GUCY1A2: variants seen among roughly 807,000 people sequenced by gnomAD.
GUCY1A2 encodes guanylate cyclase 1 soluble subunit alpha 2, also known as guanylate cyclase soluble subunit alpha-2.
A neutral mutation model predicts 63.5 loss-of-function variants in GUCY1A2; 27 were observed. The ratio of observed to expected loss-of-function variants is 0.43; its 90% confidence interval spans 0.31 to 0.59. The LOEUF (loss-of-function observed/expected upper bound fraction) is 0.59, where lower values mean the gene tolerates loss of function less well. Ranked by LOEUF, GUCY1A2 falls within the 20% of genes least tolerant of loss-of-function variation. The pLI is 0.11. For synonymous variants in GUCY1A2, 364 were observed against 343.5 expected, an observed-to-expected ratio of 1.06 and a Z score of -0.66; for missense variants, 768 against 913.3, an observed-to-expected ratio of 0.84 and a Z score of 2.05.
At chr11:106,763,340 G>C (rs1047537140) in intron 6 of GUCY1A2, among the ~76,000 whole-genome samples, 10 of 151,894 alleles carry the variant, frequency 6.6e-5, no homozygotes, top group African/African-American at 2.4e-4. Context: ...CCGAGAGTGG[G>C]GGGCAGTGAG....
chr11:106,708,364 TACTA>T (rs1862954384), intron 7 of GUCY1A2, 144 bp downstream of exon 7: 1 of 549,884 alleles, frequency 1.8e-6, no homozygotes, highest in Non-Finnish European at 3.2e-6. Flanking sequence ...GTGTCACAAT[TACTA>T]TCTATCTTTT....
In GUCY1A2 at chr11:106,689,327, A is replaced by T. The variant is rs1014984842; in HGVS notation, c.1992-1571T>A. ...ATTGCTAAAGGATATAATGGCAGTT[A>T]AAAAAAACCACAAAATGATGATATT... On this transcript the variant is annotated intron_variant, in intron 7 of 7. Coordinates refer to ENST00000526355, the MANE Select transcript of GUCY1A2 (RefSeq NM_000855.3). 4.3e-4 allele frequency among the ~76,000 whole-genome samples: 65 copies of T among 151,976 alleles called. 2 individuals are homozygous for T. Among genetic ancestry groups the T allele is most frequent in the Non-Finnish European group, 7.4e-5 (5 of 67,980 alleles).
At chr11:106,908,246 A>C (rs1163261239) in intron 4 of GUCY1A2, among the ~76,000 whole-genome samples, 9 of 152,056 alleles carry the variant, frequency 5.9e-5, no homozygotes, top group African/African-American at 2.2e-4. Context: ...CTAGGCATGC[A>C]CTAAACATAG....
chr11:106,834,320 G>A (rs1392752806), intron 4 of GUCY1A2, among the ~76,000 whole-genome samples: 2 of 151,864 alleles, frequency 1.3e-5, no homozygotes, highest in African/African-American at 2.4e-5. Flanking sequence ...TTGTCTTTCT[G>A]TGCCTGGTTT....
At chr11:106,712,081 T>A (rs984333914) in intron 6 of GUCY1A2, among the ~76,000 whole-genome samples, 4 of 152,066 alleles carry the variant, frequency 2.6e-5, no homozygotes, top group Admixed American at 1.3e-4. Context: ...TTTATCAAAT[T>A]TGGTAATTTT....
intron 1 of GUCY1A2, among the ~76,000 whole-genome samples, chr11:106,996,741 C>T (rs969500169): frequency 6.6e-6 from 1 of 152,178 alleles, no homozygotes; most frequent in Admixed American, 6.5e-5. Context: ...CTTTAAAAGT[C>T]TCAGATGCTG....
intron 4 of GUCY1A2, among the ~76,000 whole-genome samples, chr11:106,828,378 G>A (rs2135435177): frequency 6.6e-6 from 1 of 152,066 alleles, no homozygotes; most frequent in South Asian, 2.1e-4. Flanking sequence ...TTTTGATTAT[G>A]ATGAGAGATA....
intron 4 of GUCY1A2, among the ~76,000 whole-genome samples, chr11:106,814,921 T>G (rs1858811185): frequency 6.6e-6 from 1 of 151,228 alleles, no homozygotes; most frequent in Non-Finnish European, 1.5e-5. Context: ...ACCAAGAAAA[T>G]CACAACTTGA....
Position 106,978,661 on chromosome 11 carries a change from C to T in GUCY1A2, c.445G>A (p.Glu149Lys). The change falls in exon 3 of 8, where the codon GAA becomes AAA. Residue 149 changes from glutamate to lysine, a missense_variant. Glu to Lys is a moderately conservative substitution (Grantham distance 56, BLOSUM62 1). Transcript: ENST00000526355. ...CACTGAAGAATTCCTGAGACATCTT[C>T]AATTTCTTCTTTGTTGGAGTGGTCT... ...YADHSNKEEI[E>K]DVSGILQCTA... 3 of 1,563,552 alleles carry T rather than the reference C, an allele frequency of 1.9e-6. No individual in the cohort carries two copies. Among genetic ancestry groups the T allele is most frequent in the Non-Finnish European group, 2.6e-6 (3 of 1,134,368 alleles).
At chr11:106,907,257 C>T (rs1337474609) in intron 4 of GUCY1A2, among the ~76,000 whole-genome samples, 2 of 151,962 alleles carry the variant, frequency 1.3e-5, no homozygotes, top group Non-Finnish European at 2.9e-5. Context: ...TATGGCTTGC[C>T]ATAGTTGTGC....
intron 1 of GUCY1A2, among the ~76,000 whole-genome samples, chr11:106,995,752 C>T (rs1398111572): frequency 6.6e-6 from 1 of 152,210 alleles, no homozygotes; most frequent in Non-Finnish European, 1.5e-5. Flanking sequence ...TGTCTAACAT[C>T]TAGGACTGTT....
At chr11:106,704,326 A>G (rs998990506) in intron 7 of GUCY1A2, among the ~76,000 whole-genome samples, 4 of 152,194 alleles carry the variant, frequency 2.6e-5, no homozygotes, top group Non-Finnish European at 5.9e-5. Flanking sequence ...AATGCCAACA[A>G]TAATCTTCAT....
chr11:106,884,974 C>T (rs950870901), intron 4 of GUCY1A2, among the ~76,000 whole-genome samples: 3 of 152,148 alleles, frequency 2.0e-5, no homozygotes, highest in Non-Finnish European at 2.9e-5. Flanking sequence ...TTTTTCTTTG[C>T]TATTCTTAAG....
chr11:106,750,597 T>C (rs963360364), intron 6 of GUCY1A2, among the ~76,000 whole-genome samples: 10 of 152,044 alleles, frequency 6.6e-5, no homozygotes, highest in African/African-American at 2.4e-4. Flanking sequence ...TGCATAAAAA[T>C]ACAAAATGAC....
chr11:106,710,741 C>G lies in GUCY1A2; in HGVS notation c.1837-2075G>C, dbSNP rs114963752. 2.0e-3 allele frequency among the ~76,000 whole-genome samples: 308 copies of G among 151,920 alleles called. 1 individual carries two copies. The highest frequency in any genetic ancestry group is 7.2e-3 in the African/African-American group (300 of 41,448). On this transcript the variant is annotated intron_variant, in intron 6 of 7. Transcript: ENST00000526355. Reference sequence around the variant, plus strand: ...GGGGTTATACTGACACAGTCTACACCAAATAACTGAAGCGAATGGATAACA... The same window carrying G: ...GGGGTTATACTGACACAGTCTACACGAAATAACTGAAGCGAATGGATAACA...
At chr11:106,954,658 T>C (rs1860957565) in intron 3 of GUCY1A2, among the ~76,000 whole-genome samples, 1 of 152,232 alleles carries the variant, frequency 6.6e-6, no homozygotes, top group Non-Finnish European at 1.5e-5. Context: ...TGCAGGTCTC[T>C]AAGAACTAGT....
intron 3 of GUCY1A2, among the ~76,000 whole-genome samples, chr11:106,948,678 A>C (rs758415924): frequency 5.3e-5 from 8 of 152,160 alleles, no homozygotes; most frequent in Non-Finnish European, 1.0e-4. Flanking sequence ...TGAGATATGA[A>C]AATAAAATAA....
intron 3 of GUCY1A2, among the ~76,000 whole-genome samples, chr11:106,951,205 T>C (rs1445378546): frequency 6.6e-6 from 1 of 152,234 alleles, no homozygotes; most frequent in African/African-American, 2.4e-5. Context: ...TAAACATACA[T>C]GTGCATGTGT....
At position 106,805,465 on chromosome 11, in the gene GUCY1A2, C is replaced by T. The variant is rs144865644; in HGVS notation, c.1692+4528G>A. Among the ~76,000 whole-genome samples, 1,166 of 152,146 alleles carry T rather than the reference C, an allele frequency of 7.7e-3. 79 individuals are homozygous for T. The East Asian group carries it at 0.15, about 19-fold the overall frequency. ...TTCACCAGGTTGGCCAGGCTGGTCT[C>T]GAACTCCTGACCTCAGGTGATCCAC... On this transcript the variant is annotated intron_variant, in intron 5 of 7. Transcript: ENST00000526355.
Sources: gnomAD v4.1 joint callset for allele counts (sites outside exome capture counted in the v4.1 genomes callset) on GRCh38, gnomAD v4.1.1 for gene constraint, MANE v1.5 for transcripts, NCBI Gene and HGNC (gene_info 2026-07-23, HGNC 2026-07-21) for gene names.